Variants in CNOT4 observed in about 807,000 individuals in gnomAD.
CNOT4 encodes CCR4-associated factor 4.
CNOT4 carries 8 observed loss-of-function variants against 73.8 expected under a neutral mutation model. That is an observed-to-expected ratio of 0.11 (90% CI 0.06 to 0.20). CNOT4 has a LOEUF of 0.20. CNOT4 is among the 10% of genes least tolerant of loss of function. The pLI is 1.00. For missense variants in CNOT4, 564 were observed against 883.4 expected (o/e 0.64, Z 4.58); for synonymous variants, 293 against 321.1 (o/e 0.91, Z 0.94).
At chr7:135,417,527 T>C (rs1373010212) in intron 3 of CNOT4, among the ~76,000 whole-genome samples, 2 of 152,338 alleles carry the variant, frequency 1.3e-5, no homozygotes, top group Admixed American at 6.5e-5. Flanking sequence ...TGAAGGCCAC[T>C]GGTTTATGGA....
intron 1 of CNOT4, among the ~76,000 whole-genome samples, chr7:135,447,308 A>T (rs1000206412): frequency 6.6e-6 from 1 of 152,214 alleles, no homozygotes; most frequent in Non-Finnish European, 1.5e-5. Context: ...ACTAATACTT[A>T]ATTTCCCCTT....
At chr7:135,472,512 A>AAAATATAT (rs1801686920) in intron 1 of CNOT4, among the ~76,000 whole-genome samples, 1 of 19,616 alleles carries the variant, frequency 5.1e-5, no homozygotes, top group Non-Finnish European at 8.5e-5. Flanking sequence ...AAAAAAAAAA[A>AAAATATAT]AAATATATAT....
At chr7:135,471,898 C>T (rs542345018) in intron 1 of CNOT4, among the ~76,000 whole-genome samples, 8 of 152,272 alleles carry the variant, frequency 5.3e-5, no homozygotes, top group Admixed American at 3.9e-4. Context: ...ATTGGCCAGG[C>T]GCGGTGGCTC....
intron 3 of CNOT4, among the ~76,000 whole-genome samples, chr7:135,419,255 CCTATT>C (rs72274136): frequency 0.075 from 11,332 of 152,092 alleles, 488 homozygotes; most frequent in Middle Eastern, 0.13. Flanking sequence ...CCTAAACTCT[CCTATT>C]CTGTTAATCA....
intron 3 of CNOT4, 33 bp from the exon 4 acceptor site, chr7:135,415,295 TC>T: frequency 8.7e-7 from 1 of 1,146,884 alleles, no homozygotes; most frequent in Non-Finnish European, 1.3e-6. Flanking sequence ...GTATAAACTG[TC>T]CCCATTTTAA....
intron 7 of CNOT4, 99 bp from the exon 8 acceptor site, chr7:135,398,325 T>C (rs1055772600): frequency 8.8e-6 from 6 of 678,248 alleles, no homozygotes; most frequent in Middle Eastern, 7.3e-4. Context: ...CACTTTACCA[T>C]CTTAACAAAT....
At chr7:135,450,941 A>G (rs1026696881) in intron 1 of CNOT4, among the ~76,000 whole-genome samples, 4 of 152,088 alleles carry the variant, frequency 2.6e-5, no homozygotes, top group African/African-American at 9.7e-5. Flanking sequence ...TAGGTGACAA[A>G]GTGAGACTGA....
At chr7:135,380,284 T>C (rs1397623946) in intron 10 of CNOT4, among the ~76,000 whole-genome samples, 2 of 152,188 alleles carry the variant, frequency 1.3e-5, no homozygotes, top group Admixed American at 1.3e-4. Context: ...TTTGTAATAT[T>C]AGAGATGTCA....
chr7:135,465,425 T>G (rs1801155440), intron 1 of CNOT4, among the ~76,000 whole-genome samples: 1 of 152,236 alleles, frequency 6.6e-6, no homozygotes. Flanking sequence ...GGGGAATACA[T>G]TCCAAGATCT....
chr7:135,466,762 T>C (rs183695632), intron 1 of CNOT4, among the ~76,000 whole-genome samples: 1 of 152,318 alleles, frequency 6.6e-6, no homozygotes. Flanking sequence ...ACCTTTTTCA[T>C]GTTTAGATAT....
intron 1 of CNOT4, among the ~76,000 whole-genome samples, chr7:135,451,457 C>T (rs541509638): frequency 1.3e-4 from 20 of 152,222 alleles, no homozygotes; most frequent in African/African-American, 4.8e-4. Flanking sequence ...CCACACCTGG[C>T]TAATTTTTGT....
At chr7:135,408,082 A>G (rs1797395814) in intron 7 of CNOT4, among the ~76,000 whole-genome samples, 1 of 152,198 alleles carries the variant, frequency 6.6e-6, no homozygotes, top group South Asian at 2.1e-4. Flanking sequence ...AAAAAAAAAT[A>G]CCCAATTCAA....
At chr7:135,418,298 G>A (rs1412174798) in intron 3 of CNOT4, among the ~76,000 whole-genome samples, 1 of 152,148 alleles carries the variant, frequency 6.6e-6, no homozygotes, top group Non-Finnish European at 1.5e-5. Flanking sequence ...AACTAACAAA[G>A]GTTATGGAGA....
chr7:135,387,869 T>C (rs1407688360), intron 10 of CNOT4: 16 of 970,248 alleles, frequency 1.6e-5, no homozygotes, highest in Non-Finnish European at 1.8e-5. Flanking sequence ...TCCAATCTCT[T>C]CTCTTCTGCC....
At chr7:135,432,306 T>A (rs1798897957) in intron 2 of CNOT4, among the ~76,000 whole-genome samples, 1 of 152,066 alleles carries the variant, frequency 6.6e-6, no homozygotes, top group Admixed American at 6.5e-5. Context: ...GAAAAAAAAA[T>A]ATATCATGAC....
Position 135,364,149 on chromosome 7 carries a change from A to C in CNOT4, c.1628-83T>G. 1 of 973,728 alleles carries C rather than the reference A, an allele frequency of 1.0e-6. No individual in the cohort carries two copies. The highest frequency in any genetic ancestry group is 1.5e-6 in the Non-Finnish European group (1 of 650,794). 60.3% of individuals were successfully genotyped at this position (973,728 alleles called of 1,614,324 possible). A position where few individuals can be genotyped will look rare whatever the true frequency, so the allele number is the denominator to read the frequency against. On this transcript the variant is annotated intron_variant, in intron 10 of 11. Transcript: ENST00000541284. The surrounding 1 kb of genome is among the most constrained non-coding windows in gnomAD (Gnocchi z 4.3). ...AAACATATGTTGTTCTTTAGTGGTT[A>C]AGCGGGAGAAGAATTATTCTTTCTT...
At position 135,443,742 on chromosome 7, in the gene CNOT4, C is replaced by A. The variant is rs76727018; in HGVS notation, c.-92-5319G>T. ...AATCTCACATACCATGTAGTAAGTA[C>A]ACAAAATAAAAATCATACAGTCAAA... is the stretch of plus-strand genomic sequence containing the variant. On this transcript the variant is annotated intron_variant, in intron 1 of 11. Coordinates refer to ENST00000541284, the MANE Select transcript of CNOT4 (RefSeq NM_001190850.2). 4.9e-3 allele frequency among the ~76,000 whole-genome samples: 739 copies of A among 152,222 alleles called. 12 individuals carry two copies. The East Asian group carries it at 0.054, about 11-fold the overall frequency.
chr7:135,462,961 C>A (rs1269302816), intron 1 of CNOT4, among the ~76,000 whole-genome samples: 1 of 152,160 alleles, frequency 6.6e-6, no homozygotes, highest in Non-Finnish European at 1.5e-5. Context: ...GCCAGTTATC[C>A]CAGCACCATT....
Position 135,363,775 on chromosome 7 carries a change from A to G in CNOT4, c.1840+79T>C. 8.6e-7 allele frequency: 1 copy of G among 1,166,766 alleles called. No individual in the cohort carries two copies. Among genetic ancestry groups the G allele is most frequent in the East Asian group, 2.4e-5 (1 of 42,138 alleles). The allele number at this position is 1,166,766 out of a possible 1,614,324, so 72.3% of individuals were successfully genotyped here. On this transcript the variant is annotated intron_variant, in intron 11 of 11. Transcript: ENST00000541284. The surrounding 1 kb of genome is among the most constrained non-coding windows in gnomAD (Gnocchi z 4.3). ...TTGTGAAAAGCAGCTTATGTTGAAG[A>G]GATCTCGGTTTTTATTTAATCTGTG...
Sources: allele counts gnomAD v4.1 joint callset (sites outside exome capture counted in the v4.1 genomes callset), GRCh38; gene constraint gnomAD v4.1.1; non-coding constraint Gnocchi (gnomAD v3.1); transcripts MANE v1.5; gene names NCBI Gene and HGNC (gene_info 2026-07-23, HGNC 2026-07-21).